SYT1: variants seen among roughly 807,000 people sequenced by gnomAD.
The protein encoded by SYT1 is synaptotagmin 1, also known as synaptotagmin-1.
SYT1 carries 8 observed loss-of-function variants against 44.8 expected under a neutral mutation model. That is an observed-to-expected ratio of 0.18 (90% CI 0.10 to 0.32). SYT1 has a LOEUF of 0.32. SYT1 is among the 10% of genes least tolerant of loss of function. The pLI, the probability that SYT1 is intolerant of heterozygous loss-of-function variation, is 1.00. For missense variants in SYT1, 286 were observed against 509.3 expected (o/e 0.56, Z 4.22); for synonymous variants, 154 against 188.8 (o/e 0.82, Z 1.51).
intron 4 of SYT1, among the ~76,000 whole-genome samples, chr12:79,257,804 T>C (rs376530834): frequency 5.3e-5 from 8 of 152,194 alleles, no homozygotes; most frequent in Admixed American, 2.6e-4. Flanking sequence ...AAGAAAAGCA[T>C]CTGACTATTA....
chr12:79,060,752 T>C (rs1875322949), intron 3 of SYT1, among the ~76,000 whole-genome samples: 1 of 152,110 alleles, frequency 6.6e-6, no homozygotes, highest in African/African-American at 2.4e-5. Flanking sequence ...AATGAAATCT[T>C]TTTGCCAATT....
chr12:79,326,037 G>A (rs187953846), intron 8 of SYT1, among the ~76,000 whole-genome samples: 122 of 152,172 alleles, frequency 8.0e-4, no homozygotes, highest in Non-Finnish European at 8.1e-4. Flanking sequence ...AAAGCTTAAA[G>A]CATGTGCCGT....
At chr12:79,416,546 GA>G (rs1868752900) in intron 9 of SYT1, among the ~76,000 whole-genome samples, 1 of 152,020 alleles carries the variant, frequency 6.6e-6, no homozygotes, top group South Asian at 2.1e-4. Flanking sequence ...ATATGACTCA[GA>G]AAAATGCGAG....
At chr12:79,080,797 A>G (rs1876980179) in intron 3 of SYT1, among the ~76,000 whole-genome samples, 1 of 152,200 alleles carries the variant, frequency 6.6e-6, no homozygotes, top group Middle Eastern at 3.2e-3. Flanking sequence ...TAGCAGCCAC[A>G]AGGATGCTGT....
At chr12:79,357,911 G>A (rs1054430206) in intron 9 of SYT1, among the ~76,000 whole-genome samples, 1 of 152,142 alleles carries the variant, frequency 6.6e-6, no homozygotes, top group African/African-American at 2.4e-5. Flanking sequence ...CAAAGTAAAG[G>A]CATTGGAAAC....
intron 1 of SYT1, among the ~76,000 whole-genome samples, chr12:78,928,896 T>C (rs1321395436): frequency 6.6e-6 from 1 of 152,160 alleles, no homozygotes; most frequent in Non-Finnish European, 1.5e-5. Flanking sequence ...GGGAATGCTG[T>C]ATATATGTCT....
intron 1 of SYT1, among the ~76,000 whole-genome samples, chr12:78,893,093 A>ACAAT (rs1335933717): frequency 6.6e-6 from 1 of 151,858 alleles, no homozygotes; most frequent in Non-Finnish European, 1.5e-5. Context: ...TGCCATCATT[A>ACAAT]CAATCAGTAT....
chr12:79,254,176 C>G (rs751096084), intron 4 of SYT1, among the ~76,000 whole-genome samples: 18 of 152,146 alleles, frequency 1.2e-4, no homozygotes, highest in Non-Finnish European at 2.6e-4. Flanking sequence ...AAGTCAATGC[C>G]TGGTTTCAAA....
chr12:79,279,989 T>C (rs905631348), intron 4 of SYT1, among the ~76,000 whole-genome samples: 2 of 151,902 alleles, frequency 1.3e-5, no homozygotes, highest in African/African-American at 2.4e-5. Context: ...AAAGAAATCA[T>C]AGATGACACA....
intron 3 of SYT1, among the ~76,000 whole-genome samples, chr12:79,106,314 A>G (rs1474185389): frequency 6.6e-6 from 1 of 152,208 alleles, no homozygotes; most frequent in African/African-American, 2.4e-5. Context: ...ACAAGACTAG[A>G]AGAATGAGTT....
chr12:79,260,509 T>C (rs1877769778), intron 4 of SYT1, among the ~76,000 whole-genome samples: 2 of 152,194 alleles, frequency 1.3e-5, no homozygotes, highest in Admixed American at 1.3e-4. Context: ...AGTTAAACTG[T>C]AGGACAAAAT....
At chr12:79,293,311 G>A (rs1023539711) in intron 6 of SYT1, among the ~76,000 whole-genome samples, 87 of 147,330 alleles carry the variant, frequency 5.9e-4, no homozygotes, top group Non-Finnish European at 9.4e-4. Context: ...GCGACAGAGC[G>A]AGACTCCATC....
chr12:79,133,855 T>C (rs964914616), intron 3 of SYT1, among the ~76,000 whole-genome samples: 12 of 152,236 alleles, frequency 7.9e-5, no homozygotes, highest in Admixed American at 3.3e-4. Flanking sequence ...TTTGAAGAGA[T>C]AGCAGAACTC....
At chr12:79,158,647 C>T (rs147590996) in intron 3 of SYT1, among the ~76,000 whole-genome samples, 29 of 152,176 alleles carry the variant, frequency 1.9e-4, no homozygotes, top group African/African-American at 6.5e-4. Context: ...CCTGTAATCC[C>T]AGCACTTTAG....
intron 3 of SYT1, among the ~76,000 whole-genome samples, chr12:79,197,511 T>C (rs1873532567): frequency 6.6e-6 from 1 of 152,036 alleles, no homozygotes; most frequent in African/African-American, 2.4e-5. Flanking sequence ...AGAAAGTTAA[T>C]AAAAATAATC....
chr12:78,970,866 A>G (rs1008506049), intron 1 of SYT1, among the ~76,000 whole-genome samples: 14 of 152,242 alleles, frequency 9.2e-5, no homozygotes, highest in African/African-American at 2.9e-4. Context: ...TTACTATTAT[A>G]CCCATTGTTT....
chr12:79,213,493 G>A (rs918402463), intron 3 of SYT1, among the ~76,000 whole-genome samples: 3 of 152,120 alleles, frequency 2.0e-5, no homozygotes, highest in Non-Finnish European at 4.4e-5. Context: ...AATTATTAAC[G>A]AGAATAATAT....
intron 3 of SYT1, among the ~76,000 whole-genome samples, chr12:79,216,622 G>A (rs1360576396): frequency 2.0e-5 from 3 of 152,172 alleles, no homozygotes; most frequent in Non-Finnish European, 2.9e-5. Flanking sequence ...AACTAGTGAA[G>A]AGGATGAGAA....
At chr12:79,377,032 T>A (rs1884021493) in intron 9 of SYT1, among the ~76,000 whole-genome samples, 1 of 152,242 alleles carries the variant, frequency 6.6e-6, no homozygotes, top group Admixed American at 6.5e-5. Context: ...TCAACAAGTA[T>A]CTATTGAATG....
Sources: gnomAD v4.1 joint callset for allele counts (sites outside exome capture counted in the v4.1 genomes callset) on GRCh38, gnomAD v4.1.1 for gene constraint, MANE v1.5 for transcripts, NCBI Gene and HGNC (gene_info 2026-07-23, HGNC 2026-07-21) for gene names.